Variants in PPEF2 observed in about 807,000 individuals in gnomAD.
PPEF2 encodes protein phosphatase with EF-hand domain 2, also known as serine/threonine-protein phosphatase with EF-hands 2.
A neutral mutation model predicts 84.7 loss-of-function variants in PPEF2; 84 were observed. The observed-to-expected ratio is 0.99, with a 90% CI of 0.83 to 1.19. The LOEUF is 1.19. PPEF2 is among the 50% of genes most tolerant of loss of function. The pLI is 0.00. For synonymous variants in PPEF2, 346 were observed against 345.2 expected (o/e 1.00, Z -0.03); for missense variants, 924 against 937.5 (o/e 0.99, Z 0.19).
chr4:75,876,666 GAA>G lies in PPEF2; in HGVS notation c.939_940del (p.Ser314HisfsTer11). 1 of 1,545,764 alleles carries G rather than the reference GAA, an allele frequency of 6.5e-7. No homozygotes were observed. Among genetic ancestry groups the G allele is most frequent in the Non-Finnish European group, 8.7e-7 (1 of 1,146,464 alleles). ...CTGTCTCGTTTTGCACCTCATGGTGGAAACTATCTAAACACGTCCAGAAAGAG... is the reference window on the plus strand; with the variant it reads ...CTGTCTCGTTTTGCACCTCATGGTGGACTATCTAAACACGTCCAGAAAGAG... On this transcript the variant is annotated frameshift_variant, in exon 11 of 17. Coordinates refer to ENST00000286719, the MANE Select transcript of PPEF2 (RefSeq NM_006239.3). LOFTEE classifies it high-confidence loss of function.
chr4:75,861,961 CA>C (rs1387217127), intron 16 of PPEF2, among the ~76,000 whole-genome samples: 6 of 150,386 alleles, frequency 4.0e-5, no homozygotes, highest in African/African-American at 1.5e-4. Context: ...GCATAAACAA[CA>C]AAAAAAAAAA....
At chr4:75,871,940 T>A in intron 13 of PPEF2, 85 bp downstream of exon 13, 1 of 1,390,656 alleles carries the variant, frequency 7.2e-7, no homozygotes, top group African/African-American at 1.4e-5. Context: ...AGAATTTGAA[T>A]AAATATAACG....
chr4:75,864,346 G>A, intron 16 of PPEF2, 94 bp downstream of exon 16: 1 of 965,464 alleles, frequency 1.0e-6, no homozygotes. Flanking sequence ...ATGCCTGAGT[G>A]GAGATGAATG....
Position 75,860,914 on chromosome 4 carries a change from A to AT in PPEF2, c.2014dup (p.Ile672AsnfsTer24). 1 of 1,613,562 alleles carries AT rather than the reference A, an allele frequency of 6.2e-7. No individual in the cohort carries two copies. Among genetic ancestry groups the AT allele is most frequent in the Non-Finnish European group, 8.5e-7 (1 of 1,179,466 alleles). On this transcript the variant is annotated frameshift_variant, in exon 17 of 17. Coordinates refer to ENST00000286719, the MANE Select transcript of PPEF2 (RefSeq NM_006239.3). LOFTEE classifies it low-confidence loss of function (END_TRUNC). ...GGTCTGCCTGAACTCGTCCAGTGAG[A>AT]TGAACCCTTATCAGAGGGAGGAAAT...
At chr4:75,863,499 CAAAA>C (rs71210218) in intron 16 of PPEF2, among the ~76,000 whole-genome samples, 52 of 113,762 alleles carry the variant, frequency 4.6e-4, no homozygotes, top group African/African-American at 1.1e-3. Context: ...GACTCCGTCT[CAAAA>C]AAAAAAAAAA....
chr4:75,892,482 C>T (rs1480259918), intron 2 of PPEF2, among the ~76,000 whole-genome samples: 1 of 152,162 alleles, frequency 6.6e-6, no homozygotes, highest in Non-Finnish European at 1.5e-5. Flanking sequence ...ATGTCCTCAT[C>T]TGGAAAAGGG....
intron 13 of PPEF2, among the ~76,000 whole-genome samples, chr4:75,868,695 T>C (rs1724194288): frequency 6.6e-6 from 1 of 151,880 alleles, no homozygotes; most frequent in African/African-American, 2.4e-5. Flanking sequence ...AGACCCTGTC[T>C]CAAAAAACAC....
intron 2 of PPEF2, among the ~76,000 whole-genome samples, chr4:75,893,863 C>CTTTTTT (rs869291985): frequency 1.5e-5 from 1 of 66,726 alleles, no homozygotes; most frequent in Non-Finnish European, 3.6e-5. Context: ...TTCATTCTCC[C>CTTTTTT]TCTTTTTTTC....
chr4:75,884,564 T>A (rs1226593749), intron 8 of PPEF2, 30 bp downstream of exon 8: 1 of 1,532,746 alleles, frequency 6.5e-7, no homozygotes. Flanking sequence ...CAAACAAACA[T>A]CAAATACTCA....
intron 2 of PPEF2, 146 bp from the exon 3 acceptor site, chr4:75,892,124 G>A (rs1724905158): frequency 6.4e-6 from 7 of 1,090,074 alleles, no homozygotes; most frequent in African/African-American, 1.6e-5. Flanking sequence ...GACGCCCATA[G>A]GAAGTATTTC....
chr4:75,888,354 A>G (rs1253824205), intron 5 of PPEF2, 26 bp from the exon 6 acceptor site: 2 of 1,538,452 alleles, frequency 1.3e-6, no homozygotes, highest in South Asian at 2.2e-5. Context: ...GGAGGGAAGG[A>G]AGAAAACAAC....
chr4:75,865,521 G>A (rs931633314), intron 15 of PPEF2, among the ~76,000 whole-genome samples: 4 of 151,942 alleles, frequency 2.6e-5, no homozygotes, highest in Non-Finnish European at 1.5e-5. Flanking sequence ...CAATAGCTGG[G>A]TCTACAGGCA....
chr4:75,892,624 C>T (rs142626602), intron 2 of PPEF2, among the ~76,000 whole-genome samples: 4 of 152,316 alleles, frequency 2.6e-5, no homozygotes, highest in African/African-American at 7.2e-5. Flanking sequence ...GATATCCCTA[C>T]AGGCTTTAAG....
rs145508764 is a variant in PPEF2 at position 75,860,697 on chromosome 4, G to A, written c.2232C>T (p.Asp744=). 6 of 1,614,128 alleles carry A rather than the reference G, an allele frequency of 3.7e-6. No individual in the cohort carries two copies. In the African/African-American group the frequency reaches 8.0e-5, roughly 22 times the overall value. Reference sequence around the variant, plus strand: ...GTGCACCTGGACTGCTGCAGCCACTGTCTTTAGCATTTGTAGCTTGTGGGC... The same window carrying A: ...GTGCACCTGGACTGCTGCAGCCACTATCTTTAGCATTTGTAGCTTGTGGGC... ...SECPQATNAK[D]SGCSSPGAH is the part of the protein sequence containing the mutation. Residue 744 remains aspartate (D), a synonymous_variant, in exon 17 of 17, where the codon GAC becomes GAT. Transcript: ENST00000286719.
intron 11 of PPEF2, among the ~76,000 whole-genome samples, chr4:75,875,702 T>C (rs1210180073): frequency 6.6e-6 from 1 of 152,238 alleles, no homozygotes; most frequent in East Asian, 1.9e-4. Flanking sequence ...TCTGCCATAG[T>C]CATCATCGGT....
intron 5 of PPEF2, among the ~76,000 whole-genome samples, chr4:75,888,708 A>C (rs1724798877): frequency 6.6e-6 from 1 of 152,192 alleles, no homozygotes; most frequent in Non-Finnish European, 1.5e-5. Context: ...CTCCTCCTGC[A>C]ATGAGTTACA....
chr4:75,866,646 G>A, intron 14 of PPEF2: 1 of 383,870 alleles, frequency 2.6e-6, no homozygotes. Flanking sequence ...AACTTATTGA[G>A]GCATTTTACA....
intron 6 of PPEF2, among the ~76,000 whole-genome samples, chr4:75,887,497 T>C (rs1214651595): frequency 6.6e-6 from 1 of 151,766 alleles, no homozygotes; most frequent in East Asian, 1.9e-4. Context: ...GGCGGGCGCC[T>C]GTAGTCCCAG....
chr4:75,883,582 GCT>G (rs1212657047), intron 8 of PPEF2: 3 of 190,970 alleles, frequency 1.6e-5, no homozygotes, highest in South Asian at 1.0e-4. Context: ...ACTTTGGGAG[GCT>G]GAGATGGGCG....
Sources: gnomAD v4.1 joint callset for allele counts (sites outside exome capture counted in the v4.1 genomes callset) on GRCh38, gnomAD v4.1.1 for gene constraint, MANE v1.5 for transcripts, NCBI Gene and HGNC (gene_info 2026-07-23, HGNC 2026-07-21) for gene names.